Variants in UTP20 observed in about 807,000 individuals in gnomAD.
UTP20 encodes the protein small subunit processome component 20 homolog.
In UTP20, 164 loss-of-function variants were observed where a neutral mutation model predicts 329.5. The observed-to-expected ratio is 0.50, with a 90% CI of 0.44 to 0.57. UTP20 has a LOEUF of 0.57. Ranked by LOEUF, UTP20 falls within the 20% of genes least tolerant of loss-of-function variation. UTP20 has a pLI of 0.00. For missense variants in UTP20, 3,055 were observed against 3,284.2 expected (o/e 0.93, Z 1.71); for synonymous variants, 1,151 against 1,159.3 (o/e 0.99, Z 0.14).
chr12:101,286,951 ATACT>A (rs1389442691), intron 5 of UTP20, among the ~76,000 whole-genome samples: 2 of 152,180 alleles, frequency 1.3e-5, no homozygotes, highest in African/African-American at 4.8e-5. Context: ...CCAGCCACTA[ATACT>A]TACTAAGGTG....
At chr12:101,351,908 G>T in intron 38 of UTP20, 147 bp from the exon 39 acceptor site, 1 of 894,840 alleles carries the variant, frequency 1.1e-6, no homozygotes, top group Non-Finnish European at 1.7e-6. Flanking sequence ...TTTTCCTGGG[G>T]TTAGAGGGAA....
At chr12:101,337,757 C>G (rs967819229) in intron 29 of UTP20, among the ~76,000 whole-genome samples, 6 of 152,128 alleles carry the variant, frequency 3.9e-5, no homozygotes, top group Non-Finnish European at 8.8e-5. Flanking sequence ...ATTATTAGCT[C>G]AGTGGCTTCG....
In UTP20 at chr12:101,353,025, T is replaced by G. The variant is rs1869589199; in HGVS notation, c.5025-22T>G. ...ATATTAATAATCAAATGAACATTTCTGTATACTTTTTTTTTTAACAGTTTG... is the reference window on the plus strand; with the variant it reads ...ATATTAATAATCAAATGAACATTTCGGTATACTTTTTTTTTTAACAGTTTG... On this transcript the variant is annotated intron_variant, in intron 39 of 61. Transcript: ENST00000261637. The G allele has an allele frequency of 2.0e-6, 3 of 1,471,324 alleles. No homozygotes were observed. The East Asian group carries it at 6.9e-5, about 34-fold the overall frequency. 91.1% of individuals were successfully genotyped at this position (1,471,324 alleles called of 1,614,324 possible).
Position 101,370,574 on chromosome 12 carries a change from G to A in UTP20, c.6687+11G>A, listed in dbSNP as rs143658936. ...TTTGGTCTTCTGAAGGTATGCTGTC[G>A]CCAGAATGTTGACTGTTACGGTTTA... is the stretch of plus-strand genomic sequence containing the variant. On this transcript the variant is annotated intron_variant, in intron 50 of 61. Coordinates refer to ENST00000261637, the MANE Select transcript of UTP20 (RefSeq NM_014503.3). 22 of 1,608,602 alleles carry A rather than the reference G, an allele frequency of 1.4e-5. No homozygotes were observed. The highest frequency in any genetic ancestry group is 4.5e-5 in the East Asian group (2 of 44,768).
intron 56 of UTP20, among the ~76,000 whole-genome samples, chr12:101,376,946 C>A (rs971819619): frequency 6.6e-6 from 1 of 152,050 alleles, no homozygotes; most frequent in East Asian, 1.9e-4. Context: ...CCACACCCGG[C>A]CAATTTTTGT....
rs1245685411 is a variant in UTP20 at position 101,321,507 on chromosome 12, A to C, written c.2919A>C (p.Glu973Asp). Residue 973 changes from glutamate to aspartate, a missense_variant, in exon 25 of 62, where the codon GAA (glutamate) becomes GAC (aspartate). Glu to Asp is a conservative substitution (Grantham distance 45). Around this residue, in one of 3 missense-constraint regions of UTP20, gnomAD observed 2,445 missense variants for 2,575.5 expected, o/e 0.95. Transcript: ENST00000261637. ...YKHPHVLPYR[E>D]NLQRLLEDRS... Reference sequence around the variant, plus strand: ...GTGCTGTTCTCTGTTTTTAAAGGGAAAACTTACAAAGGTTGCTTGAAGACA... The same window carrying C: ...GTGCTGTTCTCTGTTTTTAAAGGGACAACTTACAAAGGTTGCTTGAAGACA... The C allele has an allele frequency of 3.1e-6, 5 of 1,612,822 alleles. No homozygotes were observed. Among genetic ancestry groups the C allele is most frequent in the Non-Finnish European group, 4.2e-6 (5 of 1,179,426 alleles).
chr12:101,325,711 C>T (rs746606879), intron 25 of UTP20, among the ~76,000 whole-genome samples: 15 of 152,214 alleles, frequency 9.9e-5, no homozygotes, highest in Admixed American at 5.9e-4. Context: ...ATTTGTAAGA[C>T]ATATACGCTA....
Position 101,374,873 on chromosome 12 carries a change from TGA to T in UTP20, c.7200_7201del (p.Arg2402ThrfsTer9). 6.3e-7 allele frequency: 1 copy of T among 1,587,354 alleles called. No individual in the cohort carries two copies. Among genetic ancestry groups the T allele is most frequent in the Non-Finnish European group, 8.7e-7 (1 of 1,155,720 alleles). ...TTGTGGAAAGTGAAGGAGTTGATTTTGAGAAAAGACTTGGAACTGTCCTTCCT... is the reference window on the plus strand; with the variant it reads ...TTGTGGAAAGTGAAGGAGTTGATTTTGAAAAGACTTGGAACTGTCCTTCCT... ...LFVESEGVDF[E>X]KRLGTVLPVI... is the part of the protein sequence containing the mutation. On this transcript the variant is annotated frameshift_variant, in exon 55 of 62. Transcript: ENST00000261637. LOFTEE classifies it high-confidence loss of function.
At chr12:101,337,834 T>C (rs1169310291) in intron 29 of UTP20, among the ~76,000 whole-genome samples, 2 of 152,220 alleles carry the variant, frequency 1.3e-5, no homozygotes, top group Non-Finnish European at 2.9e-5. Context: ...GTTGTGAGAA[T>C]TAAATGAGAA....
chr12:101,292,127 A>G (rs1299862146), intron 10 of UTP20, 23 bp downstream of exon 10: 17 of 1,609,826 alleles, frequency 1.1e-5, no homozygotes, highest in Non-Finnish European at 1.4e-5. Context: ...AACAAATATT[A>G]ATTGAGCAGT....
intron 43 of UTP20, among the ~76,000 whole-genome samples, chr12:101,358,626 A>G (rs1869805444): frequency 6.6e-6 from 1 of 152,198 alleles, no homozygotes. Flanking sequence ...TTCCTGAAAC[A>G]TATTGTTGCT....
intron 43 of UTP20, among the ~76,000 whole-genome samples, chr12:101,359,157 G>A (rs1286840905): frequency 2.0e-5 from 3 of 152,126 alleles, no homozygotes; most frequent in African/African-American, 7.2e-5. Flanking sequence ...TCCACTTCTC[G>A]GGTTCAAGCA....
intron 27 of UTP20, among the ~76,000 whole-genome samples, chr12:101,332,644 T>A (rs1331555783): frequency 1.3e-5 from 2 of 152,206 alleles, no homozygotes; most frequent in Admixed American, 1.3e-4. Context: ...AACAGACAAA[T>A]CGTATTTCCT....
intron 58 of UTP20, among the ~76,000 whole-genome samples, chr12:101,382,088 G>T (rs1488010529): frequency 2.6e-5 from 4 of 151,322 alleles, no homozygotes; most frequent in Non-Finnish European, 5.9e-5. Context: ...TTTAATGGAG[G>T]TAGAGATGAA....
intron 14 of UTP20, 151 bp from the exon 15 acceptor site, chr12:101,302,297 T>G: frequency 1.7e-6 from 1 of 591,574 alleles, no homozygotes; most frequent in Non-Finnish European, 2.9e-6. Flanking sequence ...CTTTCTGTTA[T>G]ATTTGGATGT....
At chr12:101,340,999 G>A (rs1394891230) in intron 32 of UTP20, among the ~76,000 whole-genome samples, 2 of 75,492 alleles carry the variant, frequency 2.6e-5, no homozygotes, top group Non-Finnish European at 5.0e-5. Context: ...TTTTGAGATG[G>A]AGTTTCACTC....
intron 10 of UTP20, among the ~76,000 whole-genome samples, chr12:101,292,966 AG>A (rs1872215605): frequency 6.6e-6 from 1 of 152,214 alleles, no homozygotes; most frequent in Non-Finnish European, 1.5e-5. Context: ...TAGCTGGGCA[AG>A]AGTTGAGCAG....
intron 48 of UTP20, 152 bp from the exon 49 acceptor site, chr12:101,369,569 T>C (rs763190846): frequency 1.3e-4 from 67 of 528,730 alleles, no homozygotes; most frequent in Non-Finnish European, 2.2e-4. Flanking sequence ...CTTTATCTTC[T>C]TACATTTTGG....
At position 101,386,166 on chromosome 12, in the gene UTP20, C is replaced by A; in HGVS notation, c.*43C>A. ...ACAAGCATGAACTTTCTGGAATATT[C>A]TGCTAGTCTGAAATTACAGTAGGTT... On this transcript the variant is annotated 3_prime_UTR_variant, in exon 62 of 62. Transcript: ENST00000261637. 1 of 1,546,872 alleles carries A rather than the reference C, an allele frequency of 6.5e-7. No homozygotes were observed. The highest frequency in any genetic ancestry group is 1.2e-5 in the South Asian group (1 of 81,058).
Sources: gnomAD v4.1 joint callset for allele counts (sites outside exome capture counted in the v4.1 genomes callset) on GRCh38, gnomAD v4.1.1 for gene constraint, gnomAD v4.1.1 regional missense constraint, MANE v1.5 for transcripts, NCBI Gene and HGNC (gene_info 2026-07-23, HGNC 2026-07-21) for gene names.